HMGA2: variants seen among roughly 807,000 people sequenced by gnomAD.
HMGA2 encodes high mobility group AT-hook 2.
Under a neutral mutation model 19.1 loss-of-function variants are expected in HMGA2, and 8 were observed. That is an observed-to-expected ratio of 0.42 (90% CI 0.25 to 0.76). HMGA2 has a LOEUF of 0.76. HMGA2 is among the 30% of genes least tolerant of loss of function. The pLI is 0.28. For synonymous variants in HMGA2, 60 were observed against 48.8 expected, an observed-to-expected ratio of 1.23 and a Z score of -0.96; for missense variants, 109 against 136.3, an observed-to-expected ratio of 0.80 and a Z score of 1.00.
intron 3 of HMGA2, among the ~76,000 whole-genome samples, chr12:65,897,964 CAAA>C (rs200954951): frequency 8.9e-6 from 1 of 111,924 alleles, no homozygotes; most frequent in African/African-American, 3.0e-5. Flanking sequence ...AACTCCATCT[CAAA>C]AAAAAAAAAA....
intron 3 of HMGA2, among the ~76,000 whole-genome samples, chr12:65,888,712 C>G (rs560957635): frequency 1.3e-5 from 2 of 150,682 alleles, no homozygotes; most frequent in Non-Finnish European, 3.0e-5. Context: ...TACAGGCGCC[C>G]GCCACCACGC....
rs745772022 is a variant in HMGA2 at position 65,838,528 on chromosome 12, G to A, written c.208G>A (p.Ala70Thr). 3 of 1,611,630 alleles carry A rather than the reference G, an allele frequency of 1.9e-6. No homozygotes were observed. The highest frequency in any genetic ancestry group is 2.5e-6 in the Non-Finnish European group (3 of 1,178,148). The part of the protein sequence containing the change: ...PSKAAQKKAE[A>T]TGEKRPRGRP... ...CCTTTTTCATTTGCAGAAAGCAGAA[G>A]CCACTGGAGAAAAACGGCCAAGAGG... The change falls in exon 3 of 5, where the codon GCC becomes ACC. Residue 70 changes from alanine (A) to threonine (T), a missense_variant. Coordinates refer to ENST00000403681, the MANE Select transcript of HMGA2 (RefSeq NM_003483.6).
chr12:65,868,441 A>G (rs947064524), intron 3 of HMGA2, among the ~76,000 whole-genome samples: 1 of 152,076 alleles, frequency 6.6e-6, no homozygotes, highest in African/African-American at 2.4e-5. Flanking sequence ...TCCCGGATGC[A>G]GTCCACTACG....
At chr12:65,894,610 C>T (rs1874047780) in intron 3 of HMGA2, among the ~76,000 whole-genome samples, 1 of 152,160 alleles carries the variant, frequency 6.6e-6, no homozygotes, top group Non-Finnish European at 1.5e-5. Context: ...CAAAATGCAT[C>T]AGGAAAGTAT....
intron 3 of HMGA2, among the ~76,000 whole-genome samples, chr12:65,844,012 C>G (rs1792891705): frequency 7.1e-6 from 1 of 140,612 alleles, no homozygotes; most frequent in Non-Finnish European, 1.5e-5. Context: ...GATCATGCCA[C>G]TGCACTACAG....
chr12:65,839,516 C>T (rs965222094), intron 3 of HMGA2, among the ~76,000 whole-genome samples: 1 of 151,922 alleles, frequency 6.6e-6, no homozygotes, highest in African/African-American at 2.4e-5. Flanking sequence ...TCCTGTTTGC[C>T]ATTCCTTTCT....
intron 3 of HMGA2, among the ~76,000 whole-genome samples, chr12:65,845,651 A>G (rs572666046): frequency 2.0e-5 from 3 of 152,298 alleles, no homozygotes; most frequent in African/African-American, 7.2e-5. Context: ...ATTTTTGACA[A>G]AAGATGGGAT....
At chr12:65,935,701 G>C (rs1031450048) in intron 3 of HMGA2, among the ~76,000 whole-genome samples, 2 of 152,186 alleles carry the variant, frequency 1.3e-5, no homozygotes, top group Non-Finnish European at 2.9e-5. Context: ...GTAACTTGCT[G>C]AGAGTTATTT....
chr12:65,862,104 C>T (rs1872120701), intron 3 of HMGA2, among the ~76,000 whole-genome samples: 1 of 152,036 alleles, frequency 6.6e-6, no homozygotes, highest in South Asian at 2.1e-4. Context: ...CTCGGCCTCC[C>T]AAAGTGCTGG....
intron 3 of HMGA2, among the ~76,000 whole-genome samples, chr12:65,877,359 C>T (rs1195823487): frequency 6.6e-6 from 1 of 152,092 alleles, no homozygotes; most frequent in Non-Finnish European, 1.5e-5. Flanking sequence ...TGGCTTGGAG[C>T]TGTTCCTTTT....
intron 3 of HMGA2, chr12:65,867,546 C>A (rs1872492954): frequency 2.2e-6 from 1 of 451,648 alleles, no homozygotes; most frequent in Non-Finnish European, 4.5e-6. Context: ...AAACCGTATC[C>A]TCATGATACT....
At chr12:65,907,650 T>C (rs1874657627) in intron 3 of HMGA2, among the ~76,000 whole-genome samples, 1 of 152,074 alleles carries the variant, frequency 6.6e-6, no homozygotes, top group Non-Finnish European at 1.5e-5. Flanking sequence ...AAAGATAGGG[T>C]GGCCACTTAC....
chr12:65,841,304 C>G (rs1333354814), intron 3 of HMGA2, among the ~76,000 whole-genome samples: 1 of 152,092 alleles, frequency 6.6e-6, no homozygotes, highest in Non-Finnish European at 1.5e-5. Context: ...CTTTGACTCT[C>G]CTGGTTTCTA....
At chr12:65,874,450 C>T (rs757507730) in intron 3 of HMGA2, among the ~76,000 whole-genome samples, 8 of 152,184 alleles carry the variant, frequency 5.3e-5, no homozygotes, top group East Asian at 3.9e-4. Context: ...TAACGAATTA[C>T]GCTCATACAA....
intron 3 of HMGA2, among the ~76,000 whole-genome samples, chr12:65,887,896 T>C (rs1873726678): frequency 6.7e-6 from 1 of 150,002 alleles, no homozygotes. Flanking sequence ...AAAAAAGCAA[T>C]GACAACAACA....
At chr12:65,852,316 G>A (rs2120931572) in intron 3 of HMGA2, among the ~76,000 whole-genome samples, 1 of 152,192 alleles carries the variant, frequency 6.6e-6, no homozygotes, top group South Asian at 2.1e-4. Flanking sequence ...GGCCAACATG[G>A]TGAAACCCCA....
At chr12:65,939,931 G>A (rs927869968) in intron 3 of HMGA2, among the ~76,000 whole-genome samples, 2 of 152,022 alleles carry the variant, frequency 1.3e-5, no homozygotes, top group African/African-American at 4.8e-5. Flanking sequence ...ATCTGTATGG[G>A]GAACAAGCAT....
chr12:65,960,322 C>T (rs1876717630), intron 4 of HMGA2, among the ~76,000 whole-genome samples: 1 of 152,214 alleles, frequency 6.6e-6, no homozygotes, highest in African/African-American at 2.4e-5. Flanking sequence ...TTTCTGTTCC[C>T]TCTTTGCACC....
rs1232655876 is a variant in HMGA2, at chr12:65,965,633, G to A, written c.*2341G>A. The A allele has an allele frequency of 2.3e-5, 5 of 219,604 alleles. No homozygotes were observed. In the Admixed American group the frequency reaches 2.9e-4, roughly 13 times the overall value. The allele number at this position is 219,604 out of a possible 1,614,324, so 13.6% of individuals were successfully genotyped here. ...TGCGTTAAATAAGCAAATAAACAGT[G>A]GCTCATAAAAATAAAAGTCGCATTC... On this transcript the variant is annotated 3_prime_UTR_variant, in exon 5 of 5. Coordinates refer to ENST00000403681, the MANE Select transcript of HMGA2 (RefSeq NM_003483.6).
Sources: gnomAD v4.1 joint callset for allele counts (sites outside exome capture counted in the v4.1 genomes callset) on GRCh38, gnomAD v4.1.1 for gene constraint, MANE v1.5 for transcripts, NCBI Gene and HGNC (gene_info 2026-07-23, HGNC 2026-07-21) for gene names.